SLC16A3: variants seen among roughly 807,000 people sequenced by gnomAD.
SLC16A3 encodes solute carrier family 16 member 3.
In SLC16A3, 22 loss-of-function variants were observed where a neutral mutation model predicts 25.0. The ratio of observed to expected loss-of-function variants is 0.88; its 90% confidence interval spans 0.63 to 1.26. The LOEUF (loss-of-function observed/expected upper bound fraction) is 1.26. Among genes scored for constraint, SLC16A3 ranks in the 50% most tolerant of loss-of-function variants. The probability of loss-of-function intolerance (pLI) is 0.00; values close to 1 mark genes in which losing one functional copy is unlikely to be tolerated. For missense variants in SLC16A3, 731 were observed against 666.6 expected (o/e 1.10, Z -1.06); for synonymous variants, 390 against 309.2 (o/e 1.26, Z -2.74).
Position 82,239,053 on chromosome 17 carries a change from A to T in SLC16A3, c.*77A>T. 7.1e-7 allele frequency: 1 copy of T among 1,417,458 alleles called. No homozygotes were observed. Among genetic ancestry groups the T allele is most frequent in the South Asian group, 1.5e-5 (1 of 66,382 alleles). The allele number at this position is 1,417,458 out of a possible 1,614,324, so 87.8% of individuals were successfully genotyped here. A position where few individuals can be genotyped will look rare whatever the true frequency, so the allele number is the denominator to read the frequency against. ...GCTTGCTATTTATTTTACAAACTGG[A>T]CTGGCTCAGGCAGGGCCACGGCTGG... On this transcript the variant is annotated 3_prime_UTR_variant, in exon 5 of 5. Transcript: ENST00000582743.
In SLC16A3 at chr17:82,238,748, G is replaced by C. The variant is rs1382455531; in HGVS notation, c.1170G>C (p.Leu390=). ...ATHVYMYVFI[L]AGAEVLTSSL... is the part of the protein sequence containing the mutation. Reference sequence around the variant, plus strand: ...ACGTCTACATGTACGTGTTCATCCTGGCGGGGGCCGAGGTGCTCACCTCCT... The same window carrying C: ...ACGTCTACATGTACGTGTTCATCCTCGCGGGGGCCGAGGTGCTCACCTCCT... Residue 390 remains leucine (L), a synonymous_variant, in exon 5 of 5, where the codon CTG becomes CTC. Coordinates refer to ENST00000582743, the MANE Select transcript of SLC16A3 (RefSeq NM_004207.4). 10 of 1,612,568 alleles carry C rather than the reference G, an allele frequency of 6.2e-6. No homozygotes were observed. The African/African-American group carries it at 8.0e-5, about 13-fold the overall frequency.
At chr17:82,238,175 G>A (rs563317495) in intron 4 of SLC16A3, among the ~76,000 whole-genome samples, 2 of 152,338 alleles carry the variant, frequency 1.3e-5, no homozygotes, top group South Asian at 4.1e-4. Flanking sequence ...GCACCACGCG[G>A]CAGCTCCAGG....
chr17:82,231,432 G>C (rs1287775298), intron 1 of SLC16A3: 1 of 152,296 alleles, frequency 6.6e-6, no homozygotes, highest in Non-Finnish European at 1.5e-5. Context: ...GGCGGCGGTG[G>C]GGTAGGGGGC....
intron 1 of SLC16A3, among the ~76,000 whole-genome samples, chr17:82,233,450 C>G (rs1257003049): frequency 6.6e-6 from 1 of 152,160 alleles, no homozygotes; most frequent in East Asian, 1.9e-4. Flanking sequence ...CCCTCCTTGA[C>G]ACTAATTCAG....
At chr17:82,225,776 C>T (rs779212942), upstream of SLC16A3, among the ~76,000 whole-genome samples, 11 of 152,140 alleles carry the variant, frequency 7.2e-5, no homozygotes, top group South Asian at 2.1e-4. Flanking sequence ...TTCCCAAGGA[C>T]GCAGGATGTG....
At position 82,236,788 on chromosome 17, in the gene SLC16A3, G is replaced by T; in HGVS notation, c.283G>T (p.Gly95Cys). 6.2e-7 allele frequency: 1 copy of T among 1,609,088 alleles called. No homozygotes were observed. The highest frequency in any genetic ancestry group is 8.5e-7 in the Non-Finnish European group (1 of 1,179,850). ...CTGCCGGCCCGTCATGCTTGTGGGG[G>T]GTCTCTTTGCGTCGCTGGGCATGGT... The part of the protein sequence containing the change: ...FGCRPVMLVG[G>C]LFASLGMVAA... Residue 95 changes from glycine to cysteine, a missense_variant, in exon 3 of 5, where the codon GGT becomes TGT. Transcript: ENST00000582743.
At chr17:82,222,985 C>T (rs1368740154) in intron 1 of SLC16A3, among the ~76,000 whole-genome samples, 1 of 151,246 alleles carries the variant, frequency 6.6e-6, no homozygotes, top group Non-Finnish European at 1.5e-5. Context: ...TGGGTGGATA[C>T]CGGGGAAGGG....
At chr17:82,235,602 A>G (rs964181950) in intron 1 of SLC16A3, 1 of 262,694 alleles carries the variant, frequency 3.8e-6, no homozygotes, top group African/African-American at 2.2e-5. Flanking sequence ...TGCCAGAATC[A>G]TGGTGTGCGT....
At chr17:82,233,915 A>G (rs1439832746) in intron 1 of SLC16A3, 25 of 151,870 alleles carry the variant, frequency 1.6e-4, no homozygotes, top group Admixed American at 4.6e-4. Flanking sequence ...ATCTCGGCTC[A>G]CTGCAAGCTC....
Position 82,240,026 on chromosome 17 carries a change from C to T in SLC16A3, c.*1050C>T. The T allele has an allele frequency of 8.1e-7, 1 of 1,233,810 alleles. No individual in the cohort carries two copies. 76.4% of individuals were successfully genotyped at this position (1,233,810 alleles called of 1,614,324 possible). A position where few individuals can be genotyped will look rare whatever the true frequency, so the allele number is the denominator to read the frequency against. On this transcript the variant is annotated 3_prime_UTR_variant, in exon 5 of 5. Transcript: ENST00000582743. ...GGACGGCAGCGGGTGCCCTGGCGGG[C>T]CGCGTGCAGCCGGAGAGATGCCATG... is the stretch of plus-strand genomic sequence containing the variant.
intron 1 of SLC16A3, chr17:82,229,985 G>T (rs995610287): frequency 3.3e-5 from 5 of 152,622 alleles, no homozygotes; most frequent in African/African-American, 1.2e-4. Context: ...CTCTCCTGGT[G>T]ATGGCCAGAG....
At chr17:82,225,607 G>A (rs1409184755), upstream of SLC16A3, among the ~76,000 whole-genome samples, 2 of 152,180 alleles carry the variant, frequency 1.3e-5, no homozygotes, top group African/African-American at 2.4e-5. Flanking sequence ...GCTGTGGCTC[G>A]GCCGGAATGT....
At chr17:82,218,784 C>T (rs1206445400) in intron 1 of SLC16A3, among the ~76,000 whole-genome samples, 2 of 152,138 alleles carry the variant, frequency 1.3e-5, no homozygotes, top group African/African-American at 4.8e-5. Flanking sequence ...GGGACGAGGG[C>T]CTGGGGCCAG....
intron 1 of SLC16A3, among the ~76,000 whole-genome samples, chr17:82,232,805 C>T (rs549555666): frequency 5.7e-4 from 86 of 151,450 alleles, no homozygotes; most frequent in African/African-American, 1.6e-3. Context: ...AGCCTGGGGT[C>T]GTAGAGCCTT....
chr17:82,237,352 C>G lies in SLC16A3; in HGVS notation c.582C>G (p.Ala194=). ...TGCTGCTCAACTGCTGCGTGTGTGC[C>G]GCACTCATGAGGCCCCTGGTGGTCA... ...GGLLLNCCVC[A]ALMRPLVVTA... Residue 194 remains alanine, a synonymous_variant, in exon 4 of 5, where the codon GCC becomes GCG. Transcript: ENST00000582743. The G allele has an allele frequency of 1.3e-6, 2 of 1,538,896 alleles. No individual in the cohort carries two copies. Among genetic ancestry groups the G allele is most frequent in the Non-Finnish European group, 1.8e-6 (2 of 1,140,260 alleles).
At position 82,229,066 on chromosome 17, in the gene SLC16A3, GA is replaced by G. The variant is rs1164941076; in HGVS notation, c.-66del. The G allele has an allele frequency of 6.7e-6, 1 of 150,066 alleles. No individual in the cohort carries two copies. The highest frequency in any genetic ancestry group is 2.0e-4 in the East Asian group (1 of 5,066). The allele number at this position is 150,066 out of a possible 1,614,324, so 9.3% of individuals were successfully genotyped here. ...CGGCAGAGGCGGGCAGAGGCGGCGA[GA>G]GGCGGCGAGAGGCGGGCTGAGGCGG... On this transcript the variant is annotated 5_prime_UTR_variant, in exon 1 of 5. Coordinates refer to ENST00000582743, the MANE Select transcript of SLC16A3 (RefSeq NM_004207.4).
chr17:82,236,259 T>C (rs2050599627), intron 2 of SLC16A3, 28 bp downstream of exon 2: 1 of 1,595,074 alleles, frequency 6.3e-7, no homozygotes. Flanking sequence ...CCGGGCCCCC[T>C]GTCCGGGGCT....
At position 82,239,347 on chromosome 17, in the gene SLC16A3, G is replaced by A. The variant is rs577448446; in HGVS notation, c.*371G>A. On this transcript the variant is annotated 3_prime_UTR_variant, in exon 5 of 5. Coordinates refer to ENST00000582743, the MANE Select transcript of SLC16A3 (RefSeq NM_004207.4). ...GACAGGCTGGCAGGGCAGGTGCTGC[G>A]TGGGGCCCTCTCCAGCCCGTCCTAC... The A allele has an allele frequency of 8.8e-5, 18 of 203,490 alleles. No individual in the cohort carries two copies. The highest frequency in any genetic ancestry group is 3.9e-4 in the African/African-American group (17 of 43,402). 12.6% of individuals were successfully genotyped at this position (203,490 alleles called of 1,614,324 possible). A position where few individuals can be genotyped will look rare whatever the true frequency, so the allele number is the denominator to read the frequency against.
At position 82,237,775 on chromosome 17, in the gene SLC16A3, G is replaced by A; in HGVS notation, c.1005G>A (p.Val335=). 1 of 1,611,746 alleles carries A rather than the reference G, an allele frequency of 6.2e-7. No individual in the cohort carries two copies. Among genetic ancestry groups the A allele is most frequent in the Non-Finnish European group, 8.5e-7 (1 of 1,179,956 alleles). Residue 335 remains valine (V), a synonymous_variant, in exon 4 of 5, where the codon GTG becomes GTA. Coordinates refer to ENST00000582743, the MANE Select transcript of SLC16A3 (RefSeq NM_004207.4). ...TCTTTGGCATCTCCTACGGCATGGTGGGGGCCCTGCAGTTCGAGGTGCTCA... is the reference window on the plus strand; with the variant it reads ...TCTTTGGCATCTCCTACGGCATGGTAGGGGCCCTGCAGTTCGAGGTGCTCA... ...CIFFGISYGM[V]GALQFEVLMA...
Sources: allele counts gnomAD v4.1 joint callset (sites outside exome capture counted in the v4.1 genomes callset), GRCh38; gene constraint gnomAD v4.1.1; transcripts MANE v1.5; gene names NCBI Gene and HGNC (gene_info 2026-07-23, HGNC 2026-07-21).